Variants in SNX29 observed in about 807,000 individuals in gnomAD.
The protein encoded by SNX29 is sorting nexin 29.
Under a neutral mutation model 102.1 loss-of-function variants are expected in SNX29, and 78 were observed. The observed-to-expected ratio is 0.76, with a 90% confidence interval of 0.64 to 0.92. The LOEUF (loss-of-function observed/expected upper bound fraction) is 0.92. Ranked by LOEUF, SNX29 falls within the 40% of genes least tolerant of loss-of-function variation. The probability of loss-of-function intolerance (pLI) is 0.00; values close to 1 mark genes in which losing one functional copy is unlikely to be tolerated. For synonymous variants in SNX29, 580 were observed against 414.5 expected (o/e 1.40, Z -4.85); for missense variants, 1,280 against 1,061.7 (o/e 1.21, Z -2.86).
At chr16:12,561,674 C>G (rs1266072856) in intron 20 of SNX29, among the ~76,000 whole-genome samples, 7 of 151,884 alleles carry the variant, frequency 4.6e-5, no homozygotes, top group East Asian at 1.9e-4. Flanking sequence ...AGGGTGCCCT[C>G]ACACACAGAC....
rs569739878 is a variant in SNX29, at chr16:12,510,554, T to A, written c.2179-14148T>A. On this transcript the variant is annotated intron_variant, in intron 19 of 20. Transcript: ENST00000566228. Reference sequence around the variant, plus strand: ...TGGGCGTTATGGCACCGGCCTGTAGTCCCAGCTACTTGGGAGGTTGAGGCA... The same window carrying A: ...TGGGCGTTATGGCACCGGCCTGTAGACCCAGCTACTTGGGAGGTTGAGGCA... Among the ~76,000 whole-genome samples the A allele has an allele frequency of 7.2e-4, 109 of 152,106 alleles. 1 individual carries two copies. The highest frequency in any genetic ancestry group is 2.5e-3 in the African/African-American group (105 of 41,486).
At chr16:12,364,869 C>G (rs1402242779) in intron 16 of SNX29, among the ~76,000 whole-genome samples, 1 of 152,158 alleles carries the variant, frequency 6.6e-6, no homozygotes, top group East Asian at 1.9e-4. Flanking sequence ...GCTGTCGGCT[C>G]CTTCCCCACC....
At position 12,500,362 on chromosome 16, in the gene SNX29, C is replaced by T. The variant is rs1214417557; in HGVS notation, c.2178+22503C>T. On this transcript the variant is annotated intron_variant, in intron 19 of 20. Transcript: ENST00000566228. ...TTGCCTGCAGACCAATAACTGAGGA[C>T]CACCCAGAAGGCGGAAATAACTGGC... Among the ~76,000 whole-genome samples, 4 of 152,132 alleles carry T rather than the reference C, an allele frequency of 2.6e-5. No individual in the cohort carries two copies. The South Asian group carries it at 6.2e-4, about 24-fold the overall frequency.
chr16:12,434,593 C>A (rs1253663201), intron 18 of SNX29, among the ~76,000 whole-genome samples: 1 of 151,522 alleles, frequency 6.6e-6, no homozygotes, highest in African/African-American at 2.4e-5. Context: ...ACCCTGCAAC[C>A]CCCAAAGCAG....
chr16:12,163,707 T>C (rs2055891535), intron 13 of SNX29, among the ~76,000 whole-genome samples: 2 of 152,288 alleles, frequency 1.3e-5, no homozygotes, highest in Non-Finnish European at 2.9e-5. Context: ...GATTTGTATT[T>C]GTTAAACCGA....
intron 14 of SNX29, among the ~76,000 whole-genome samples, chr16:12,222,965 A>G (rs998476556): frequency 4.6e-5 from 7 of 152,240 alleles, no homozygotes; most frequent in African/African-American, 1.4e-4. Context: ...CTGAGGCTCA[A>G]TGCAGGGCTC....
intron 19 of SNX29, among the ~76,000 whole-genome samples, chr16:12,494,093 C>T (rs1294747448): frequency 6.6e-6 from 1 of 152,150 alleles, no homozygotes; most frequent in Non-Finnish European, 1.5e-5. Flanking sequence ...AAAGATAGAG[C>T]TCCCAGTGCT....
chr16:12,089,103 G>GAA (rs1201834339), intron 11 of SNX29, among the ~76,000 whole-genome samples: 1 of 150,120 alleles, frequency 6.7e-6, no homozygotes, highest in Non-Finnish European at 1.5e-5. Flanking sequence ...AAGAAAGAAA[G>GAA]AGAGGAGAGA....
chr16:12,018,277 T>C (rs2056909321), intron 3 of SNX29, among the ~76,000 whole-genome samples: 1 of 152,110 alleles, frequency 6.6e-6, no homozygotes, highest in Non-Finnish European at 1.5e-5. Context: ...CCTATTTATT[T>C]TTAAAAATGA....
intron 16 of SNX29, among the ~76,000 whole-genome samples, chr16:12,396,185 C>T (rs2151485779): frequency 6.6e-6 from 1 of 152,222 alleles, no homozygotes; most frequent in East Asian, 1.9e-4. Flanking sequence ...ACTTACCTAC[C>T]CAAAAAATAC....
intron 20 of SNX29, among the ~76,000 whole-genome samples, chr16:12,554,004 T>C (rs67804702): frequency 0.043 from 6,550 of 152,198 alleles, 190 homozygotes; most frequent in Non-Finnish European, 0.068. Flanking sequence ...TTTGTATTTT[T>C]AGTAGAGACA....
At chr16:12,466,601 C>G (rs2087064128) in intron 18 of SNX29, among the ~76,000 whole-genome samples, 1 of 152,164 alleles carries the variant, frequency 6.6e-6, no homozygotes, top group South Asian at 2.1e-4. Flanking sequence ...TTGCTTGTGT[C>G]CACCACTCCC....
chr16:12,541,932 C>G (rs1334907432), intron 20 of SNX29, among the ~76,000 whole-genome samples: 2 of 152,166 alleles, frequency 1.3e-5, no homozygotes, highest in Non-Finnish European at 2.9e-5. Context: ...CACGGTACAT[C>G]CTGGGCCCAC....
intron 20 of SNX29, among the ~76,000 whole-genome samples, chr16:12,536,923 C>T (rs568145304): frequency 4.5e-4 from 68 of 152,186 alleles, no homozygotes; most frequent in African/African-American, 1.5e-3. Context: ...TTGCAGTGAG[C>T]CGAGATCACA....
At chr16:12,434,753 C>A (rs926533114) in intron 18 of SNX29, among the ~76,000 whole-genome samples, 1 of 152,096 alleles carries the variant, frequency 6.6e-6, no homozygotes, top group Non-Finnish European at 1.5e-5. Flanking sequence ...GTCAGACAGG[C>A]CTTTGCTCCA....
rs752085442 is a variant in SNX29 at position 12,568,626 on chromosome 16, C to G, written c.2439C>G (p.Leu813=). 2.5e-6 allele frequency: 4 copies of G among 1,602,794 alleles called. No homozygotes were observed. Among genetic ancestry groups the G allele is most frequent in the African/African-American group, 1.3e-5 (1 of 74,922 alleles). ...ACGTGGAGCCCCAGAGCGGTGACCT[C>G]TGACCTCGACAAAACCGCAGCCACG... ...TRNVEPQSGD[L] The change falls in exon 21 of 21, where the codon CTC becomes CTG. Residue 813 remains leucine (L), a synonymous_variant. Transcript: ENST00000566228.
intron 16 of SNX29, among the ~76,000 whole-genome samples, chr16:12,390,581 G>C (rs2083495712): frequency 6.6e-6 from 1 of 152,184 alleles, no homozygotes; most frequent in Non-Finnish European, 1.5e-5. Flanking sequence ...TGCATAACTA[G>C]TGTGCATTTG....
chr16:12,202,451 G>T (rs750439977), intron 14 of SNX29, among the ~76,000 whole-genome samples: 2 of 152,008 alleles, frequency 1.3e-5, no homozygotes, highest in Admixed American at 1.3e-4. Flanking sequence ...ACTTTTATTT[G>T]CGCTTTTGAA....
At chr16:12,463,152 G>A (rs750246621) in intron 18 of SNX29, among the ~76,000 whole-genome samples, 13 of 152,196 alleles carry the variant, frequency 8.5e-5, no homozygotes, top group Non-Finnish European at 1.2e-4. Context: ...GTCAGCGGTC[G>A]TTGTCGCTCT....
Sources: allele counts gnomAD v4.1 joint callset (sites outside exome capture counted in the v4.1 genomes callset), GRCh38; gene constraint gnomAD v4.1.1; transcripts MANE v1.5; gene names NCBI Gene and HGNC (gene_info 2026-07-23, HGNC 2026-07-21).